NALCN: variants seen among roughly 807,000 people sequenced by gnomAD.
NALCN encodes the protein sodium leak channel, non-selective.
In NALCN, 111 loss-of-function variants were observed where a neutral mutation model predicts 225.3. The ratio of observed to expected loss-of-function variants is 0.49; its 90% CI spans 0.42 to 0.58. The LOEUF (loss-of-function observed/expected upper bound fraction) is 0.58, where lower values mean the gene tolerates loss of function less well. Ranked by LOEUF, NALCN falls within the 20% of genes least tolerant of loss-of-function variation. The probability of loss-of-function intolerance (pLI) is 0.00; values close to 1 mark genes in which losing one functional copy is unlikely to be tolerated. For missense variants in NALCN, 1,378 were observed against 2,202.4 expected (o/e 0.63, Z 7.49); for synonymous variants, 764 against 769.0 (o/e 0.99, Z 0.11).
At chr13:101,295,279 C>T (rs1469587151) in intron 7 of NALCN, among the ~76,000 whole-genome samples, 5 of 152,152 alleles carry the variant, frequency 3.3e-5, no homozygotes, top group African/African-American at 1.2e-4. Context: ...ATATTTTTAA[C>T]ATTAAACAAA....
At chr13:101,401,263 T>C (rs1594787584) in intron 1 of NALCN, among the ~76,000 whole-genome samples, 2 of 152,152 alleles carry the variant, frequency 1.3e-5, no homozygotes. Context: ...TGATATCCCA[T>C]GTTAATGTAT....
intron 18 of NALCN, 103 bp downstream of exon 18, chr13:101,124,505 A>G: frequency 2.1e-6 from 2 of 973,608 alleles, no homozygotes; most frequent in Non-Finnish European, 3.1e-6. Flanking sequence ...GGCAGAAAGT[A>G]TATGCTGATG....
At chr13:101,176,828 T>C (rs568406311) in intron 14 of NALCN, among the ~76,000 whole-genome samples, 1 of 152,316 alleles carries the variant, frequency 6.6e-6, no homozygotes, top group South Asian at 2.1e-4. Context: ...ATGCAGCCAT[T>C]ACAAATTCCC....
chr13:101,263,097 C>A (rs1426692546), intron 10 of NALCN, among the ~76,000 whole-genome samples: 5 of 152,154 alleles, frequency 3.3e-5, no homozygotes, highest in African/African-American at 1.2e-4. Context: ...AGGTAAGTAA[C>A]ATTGATAAGG....
At chr13:101,234,763 C>A (rs2041483809) in intron 12 of NALCN, among the ~76,000 whole-genome samples, 1 of 152,088 alleles carries the variant, frequency 6.6e-6, no homozygotes, top group African/African-American at 2.4e-5. Flanking sequence ...ACAGAATAAT[C>A]CAAAATCAAA....
At chr13:101,386,585 TTTTATA>T (rs1372623331) in intron 3 of NALCN, among the ~76,000 whole-genome samples, 2 of 151,904 alleles carry the variant, frequency 1.3e-5, no homozygotes, top group African/African-American at 2.4e-5. Context: ...ATCTTACATA[TTTTATA>T]TTTATATTTA....
At chr13:101,244,253 T>C (rs1218209644) in intron 11 of NALCN, among the ~76,000 whole-genome samples, 1 of 152,168 alleles carries the variant, frequency 6.6e-6, no homozygotes, top group East Asian at 1.9e-4. Flanking sequence ...GATATTCCAA[T>C]AGATTGTCTA....
At chr13:101,413,007 C>G (rs1049521178) in intron 1 of NALCN, among the ~76,000 whole-genome samples, 3 of 152,062 alleles carry the variant, frequency 2.0e-5, no homozygotes, top group Non-Finnish European at 2.9e-5. Flanking sequence ...TTGTAAAGGT[C>G]AAGTTTTTAT....
At chr13:101,293,256 T>A (rs917588551) in intron 7 of NALCN, among the ~76,000 whole-genome samples, 21 of 152,188 alleles carry the variant, frequency 1.4e-4, no homozygotes, top group African/African-American at 4.6e-4. Context: ...AGTTTCTCCA[T>A]CTGTAAAATG....
intron 10 of NALCN, among the ~76,000 whole-genome samples, chr13:101,275,673 G>A (rs1406143025): frequency 1.3e-5 from 2 of 152,108 alleles, no homozygotes; most frequent in Non-Finnish European, 2.9e-5. Flanking sequence ...GGAGGAAGAA[G>A]GGAGAGGTGA....
chr13:101,157,738 A>AG (rs1168251506), intron 15 of NALCN, among the ~76,000 whole-genome samples: 1 of 147,076 alleles, frequency 6.8e-6, no homozygotes, highest in South Asian at 2.2e-4. Flanking sequence ...TGAGCTAGGG[A>AG]GGGGACATGG....
At chr13:101,116,400 C>T (rs1226781556) in intron 18 of NALCN, 2 of 342,442 alleles carry the variant, frequency 5.8e-6, no homozygotes, top group Non-Finnish European at 1.2e-5. Flanking sequence ...CTTGACATTT[C>T]TCCATCTAAA....
chr13:101,405,742 G>C (rs1416466338), intron 1 of NALCN, among the ~76,000 whole-genome samples: 1 of 152,088 alleles, frequency 6.6e-6, no homozygotes, highest in South Asian at 2.1e-4. Context: ...ACAATTTAAG[G>C]GAAAGTGTTA....
chr13:101,143,111 G>A lies in NALCN; in HGVS notation c.2087C>T (p.Ala696Val), dbSNP rs1279035880. 2 of 1,614,140 alleles carry A rather than the reference G, an allele frequency of 1.2e-6. No homozygotes were observed. The highest frequency in any genetic ancestry group is 1.7e-6 in the Non-Finnish European group (2 of 1,180,020). The change falls in exon 17 of 44, where the codon GCA becomes GTA. Residue 696 changes from alanine to valine, a missense_variant. Physicochemically the swap from Ala to Val is moderately conservative, Grantham distance 64. Around this residue, in one of 19 missense-constraint regions of NALCN, gnomAD observed 100 missense variants for 89.4 expected, o/e 1.12. Coordinates refer to ENST00000251127, the MANE Select transcript of NALCN (RefSeq NM_052867.4). ...GTCGATGTATTTGTTGTCCTCAATT[G>A]CTGAGCGTTTGGAGTGGTCGCAGGA... is the stretch of plus-strand genomic sequence containing the variant. ...SSSCDHSKRSAIEDNKYIDQK... is the reference protein window; with the variant it reads ...SSSCDHSKRSVIEDNKYIDQK...
rs549182297 is a variant in NALCN at position 101,107,571 on chromosome 13, T to C, written c.2495A>G (p.Tyr832Cys). The change falls in exon 22 of 44, where the codon TAC becomes TGC. Residue 832 changes from tyrosine (Y) to cysteine (C), a missense_variant. By Grantham distance (194) the Tyr-to-Cys change is radical. Transcript: ENST00000251127. ...GACAATGAACAGTGGCTTATCGAAG[T>C]ATGGGTGGTTCTCTCTGAGTTCCTC... ...QEEELRENHP[Y>C]FDKPLFIVGR... 3.6e-4 allele frequency: 588 copies of C among 1,614,102 alleles called. 8 individuals are homozygous for C. The South Asian group carries it at 6.0e-3, about 17-fold the overall frequency.
At chr13:101,119,150 A>C (rs1344108547) in intron 18 of NALCN, among the ~76,000 whole-genome samples, 1 of 152,210 alleles carries the variant, frequency 6.6e-6, no homozygotes, top group Non-Finnish European at 1.5e-5. Context: ...CAGGAAAAAA[A>C]ATCCAGCTAA....
intron 17 of NALCN, chr13:101,142,776 G>A (rs542233749): frequency 1.2e-4 from 45 of 378,610 alleles, no homozygotes; most frequent in Non-Finnish European, 1.9e-4. Flanking sequence ...CACCTGGACT[G>A]AGCCTTGGAG....
intron 15 of NALCN, 38 bp from the exon 16 acceptor site, chr13:101,144,934 C>T (rs763874473): frequency 6.3e-7 from 1 of 1,586,526 alleles, no homozygotes; most frequent in East Asian, 2.2e-5. Context: ...AAGGGGGAAC[C>T]TATAATACTA....
At chr13:101,068,170 G>A (rs1420395631) in intron 38 of NALCN, 137 bp from the exon 39 acceptor site, 4 of 614,436 alleles carry the variant, frequency 6.5e-6, no homozygotes, top group Non-Finnish European at 1.1e-5. Flanking sequence ...CTTTTAGTAT[G>A]GTTTCCAAAT....
Sources: allele counts gnomAD v4.1 joint callset (sites outside exome capture counted in the v4.1 genomes callset), GRCh38; gene constraint gnomAD v4.1.1; regional missense constraint gnomAD v4.1.1; transcripts MANE v1.5; gene names NCBI Gene and HGNC (gene_info 2026-07-23, HGNC 2026-07-21).